The following OR2Z1 variants were observed in gnomAD, a reference collection of about 807,000 sequenced individuals.
OR2Z1 encodes olfactory receptor 2Z1.
For synonymous variants in OR2Z1, 188 were observed against 160.6 expected, an observed-to-expected ratio of 1.17 and a Z score of -1.29; for missense variants, 449 against 401.8, an observed-to-expected ratio of 1.12 and a Z score of -1.00.
In OR2Z1 at chr19:8,731,556, C is replaced by A. The variant is rs1555756778; in HGVS notation, c.528C>A (p.His176Gln). The A allele has an allele frequency of 6.2e-7, 1 of 1,614,118 alleles. No individual in the cohort carries two copies. The highest frequency in any genetic ancestry group is 8.5e-7 in the Non-Finnish European group (1 of 1,180,030). Residue 176 changes from histidine (H) to glutamine (Q), a missense_variant, in exon 3 of 3, where the codon CAC becomes CAA. Coordinates refer to ENST00000641125, the MANE Select transcript of OR2Z1 (RefSeq NM_001004699.3). ...ACTGTGCCTCCCGTATTGTGGATCA[C>A]TTCTTCTGTGAGGTGCCAGCCCTAC... ...FPYCASRIVD[H>Q]FFCEVPALLK...
intron 2 of OR2Z1, among the ~76,000 whole-genome samples, chr19:8,725,785 G>A: frequency 6.6e-6 from 1 of 152,190 alleles, no homozygotes; most frequent in East Asian, 1.9e-4. Context: ...AACTATCTGA[G>A]ATGATTGGGT....
In OR2Z1 at chr19:8,731,659, C is replaced by CT; in HGVS notation, c.634dup (p.Ser212PhefsTer61). On this transcript the variant is annotated frameshift_variant, in exon 3 of 3. Coordinates refer to ENST00000641125, the MANE Select transcript of OR2Z1 (RefSeq NM_001004699.3). LOFTEE classifies it low-confidence loss of function (END_TRUNC). ...AGGGGTGCTGATCCTAATGCTCCCT[C>CT]TTTCCCTCATCGCCACCTCCTACGG... The CT allele has an allele frequency of 6.2e-7, 1 of 1,614,182 alleles. No homozygotes were observed. Among genetic ancestry groups the CT allele is most frequent in the Non-Finnish European group, 8.5e-7 (1 of 1,180,028 alleles).
rs782360855 is a variant in OR2Z1 at position 8,731,915 on chromosome 19, A to G, written c.887A>G (p.Glu296Gly). 1 of 1,614,116 alleles carries G rather than the reference A, an allele frequency of 6.2e-7. No homozygotes were observed. Among genetic ancestry groups the G allele is most frequent in the Admixed American group, 1.7e-5 (1 of 60,022 alleles). The change falls in exon 3 of 3, where the codon GAG becomes GGG. Residue 296 changes from glutamate (E) to glycine (G), a missense_variant. Physicochemically the swap from Glu to Gly is moderately conservative, Grantham distance 98. Coordinates refer to ENST00000641125, the MANE Select transcript of OR2Z1 (RefSeq NM_001004699.3). The part of the protein sequence containing the change: ...NPLIYSLRNP[E>G]VWMALVKVLS... ...CTTATCTACAGTCTGAGGAATCCGG[A>G]GGTGTGGATGGCTTTGGTCAAAGTG...
chr19:8,729,005 C>T (rs936100032), intron 2 of OR2Z1: 14 of 786,578 alleles, frequency 1.8e-5, no homozygotes, highest in Admixed American at 1.8e-4. Context: ...GCTTGTTTCT[C>T]CTGGGGGTGC....
intron 2 of OR2Z1, among the ~76,000 whole-genome samples, chr19:8,728,134 C>T (rs1364857829): frequency 6.6e-6 from 1 of 152,200 alleles, no homozygotes; most frequent in Non-Finnish European, 1.5e-5. Flanking sequence ...GCTTCTTAAC[C>T]ATCCACAGTT....
intron 2 of OR2Z1, chr19:8,729,009 G>A: frequency 6.3e-6 from 5 of 797,052 alleles, no homozygotes; most frequent in Admixed American, 3.5e-5. Context: ...GTTTCTCCTG[G>A]GGGTGCTCTT....
At chr19:8,725,344 G>A (rs1161089877) in intron 2 of OR2Z1, among the ~76,000 whole-genome samples, 1 of 152,134 alleles carries the variant, frequency 6.6e-6, no homozygotes, top group Non-Finnish European at 1.5e-5. Flanking sequence ...CTGGGTTTAA[G>A]CAATTCTCCT....
chr19:8,727,734 G>C (rs1364221373), intron 2 of OR2Z1, among the ~76,000 whole-genome samples: 1 of 152,190 alleles, frequency 6.6e-6, no homozygotes, highest in Non-Finnish European at 1.5e-5. Context: ...GATTGTGATG[G>C]CATGTGCCTG....
intron 2 of OR2Z1, among the ~76,000 whole-genome samples, chr19:8,730,505 C>T (rs181581442): frequency 1.3e-5 from 2 of 152,152 alleles, no homozygotes; most frequent in East Asian, 1.9e-4. Flanking sequence ...CTGCAACCTC[C>T]ACCACCCGGG....
At chr19:8,723,870 C>T (rs2145075003) in intron 2 of OR2Z1, among the ~76,000 whole-genome samples, 2 of 152,008 alleles carry the variant, frequency 1.3e-5, no homozygotes, top group East Asian at 3.9e-4. Context: ...GGACCATTGG[C>T]CCTGAGGGTT....
rs369518248 is a variant in OR2Z1, at chr19:8,731,082, C to T, written c.54C>T (p.Phe18=). 3 of 1,614,038 alleles carry T rather than the reference C, an allele frequency of 1.9e-6. No homozygotes were observed. The highest frequency in any genetic ancestry group is 2.5e-6 in the Non-Finnish European group (3 of 1,180,038). The change falls in exon 3 of 3, where the codon TTC becomes TTT. Residue 18 remains phenylalanine, a synonymous_variant. Transcript: ENST00000641125. ...VASDFILVGL[F]SHSGSRQLLF... is the part of the protein sequence containing the mutation. ...CAGACTTCATTCTGGTGGGCCTCTT[C>T]AGTCACTCAGGATCACGCCAGCTCC...
At chr19:8,726,510 A>G (rs1555756196) in intron 2 of OR2Z1, among the ~76,000 whole-genome samples, 1 of 152,174 alleles carries the variant, frequency 6.6e-6, no homozygotes, top group African/African-American at 2.4e-5. Context: ...TAGTGTCCTT[A>G]GCTATTACCT....
rs1555756708 is a variant in OR2Z1, at chr19:8,731,219, G to T, written c.191G>T (p.Ser64Ile). The change falls in exon 3 of 3, where the codon AGC (serine) becomes ATC (isoleucine). Residue 64 changes from serine (S) to isoleucine (I), a missense_variant. Transcript: ENST00000641125. ...RLHTPMYFLL[S>I]QLSLFDIGCP... ...CACACACCCATGTACTTCCTGCTCA[G>T]CCAGCTCTCCCTGTTTGACATTGGC... The T allele has an allele frequency of 6.2e-7, 1 of 1,614,064 alleles. No homozygotes were observed. Among genetic ancestry groups the T allele is most frequent in the African/African-American group, 1.3e-5 (1 of 75,002 alleles).
At chr19:8,725,398 A>T (rs1227700848) in intron 2 of OR2Z1, among the ~76,000 whole-genome samples, 2 of 152,088 alleles carry the variant, frequency 1.3e-5, no homozygotes, top group Non-Finnish European at 2.9e-5. Flanking sequence ...GCCCGCCACC[A>T]CACCTGGCTA....
In OR2Z1 at chr19:8,731,036, A is replaced by T. The variant is rs373720043; in HGVS notation, c.8A>T (p.Asp3Val). The T allele has an allele frequency of 2.8e-5, 45 of 1,613,622 alleles. No individual in the cohort carries two copies. Among genetic ancestry groups the T allele is most frequent in the Non-Finnish European group, 3.6e-5 (43 of 1,179,782 alleles). Residue 3 changes from aspartate to valine, a missense_variant, in exon 3 of 3, where the codon GAT (aspartate) becomes GTT (valine). Coordinates refer to ENST00000641125, the MANE Select transcript of OR2Z1 (RefSeq NM_001004699.3). MG[D>V]VNQSVASDFI... ...AAGTGCATTGTGTAAAACATGGGGGATGTGAATCAGTCGGTGGCCTCAGAC... is the reference window on the plus strand; with the variant it reads ...AAGTGCATTGTGTAAAACATGGGGGTTGTGAATCAGTCGGTGGCCTCAGAC...
rs549238973 is a variant in OR2Z1 at position 8,729,841 on chromosome 19, C to T, written c.-169-1019C>T. On this transcript the variant is annotated intron_variant, in intron 2 of 2. Transcript: ENST00000641125. ...CTGACCTCAGGTGATCCACCCGCCT[C>T]GGCCTCTCAAAGTGCTGGGATTATA... Among the ~76,000 whole-genome samples the T allele has an allele frequency of 1.5e-4, 23 of 152,122 alleles. No individual in the cohort carries two copies. The South Asian group carries it at 1.9e-3, about 12-fold the overall frequency.
At chr19:8,725,197 T>G (rs537482385) in intron 2 of OR2Z1, among the ~76,000 whole-genome samples, 2 of 152,290 alleles carry the variant, frequency 1.3e-5, no homozygotes, top group South Asian at 4.1e-4. Flanking sequence ...AACTCTAAAT[T>G]CTATAACTGC....
At chr19:8,727,392 G>T (rs1220325741) in intron 2 of OR2Z1, among the ~76,000 whole-genome samples, 1 of 152,026 alleles carries the variant, frequency 6.6e-6, no homozygotes, top group African/African-American at 2.4e-5. Flanking sequence ...TATTTGTTTT[G>T]CCCTGAAGAT....
In OR2Z1 at chr19:8,731,192, T is replaced by C; in HGVS notation, c.164T>C (p.Leu55Pro). The C allele has an allele frequency of 6.2e-7, 1 of 1,614,092 alleles. No homozygotes were observed. The highest frequency in any genetic ancestry group is 8.5e-7 in the Non-Finnish European group (1 of 1,180,028). ...TTCTTGATCCGTGTGGACTCCCGGC[T>C]CCACACACCCATGTACTTCCTGCTC... The part of the protein sequence containing the change: ...LLFLIRVDSR[L>P]HTPMYFLLSQ... The change falls in exon 3 of 3, where the codon CTC becomes CCC. Residue 55 changes from leucine (L) to proline (P), a missense_variant. Leu to Pro is a moderately conservative substitution (Grantham distance 98). Transcript: ENST00000641125.
Sources: gnomAD v4.1 joint callset for allele counts (sites outside exome capture counted in the v4.1 genomes callset) on GRCh38, gnomAD v4.1.1 for gene constraint, MANE v1.5 for transcripts, NCBI Gene and HGNC (gene_info 2026-07-23, HGNC 2026-07-21) for gene names.